The following SKI variants were observed in gnomAD, a reference collection of about 807,000 sequenced individuals.
SKI encodes the protein ski oncogene.
In SKI, 23 loss-of-function variants were observed where a neutral mutation model predicts 59.3. The ratio of observed to expected loss-of-function variants is 0.39; its 90% CI spans 0.28 to 0.55. The LOEUF (loss-of-function observed/expected upper bound fraction) is 0.55, where lower values mean the gene tolerates loss of function less well. Ranked by LOEUF, SKI falls within the 20% of genes least tolerant of loss-of-function variation. The probability of loss-of-function intolerance (pLI) is 0.67; values close to 1 mark genes in which losing one functional copy is unlikely to be tolerated. For synonymous variants in SKI, 673 were observed against 488.6 expected (o/e 1.38, Z -4.98); for missense variants, 1,017 against 1,038.9 (o/e 0.98, Z 0.29).
At chr1:2,231,663 TACTG>T (rs1638641223) in intron 1 of SKI, among the ~76,000 whole-genome samples, 1 of 152,226 alleles carries the variant, frequency 6.6e-6, no homozygotes, top group Non-Finnish European at 1.5e-5. Context: ...TCCCAGGCCA[TACTG>T]ACGACGTGCA....
chr1:2,238,561 G>C (rs565251764), intron 1 of SKI, among the ~76,000 whole-genome samples: 4 of 152,356 alleles, frequency 2.6e-5, no homozygotes, highest in Non-Finnish European at 4.4e-5. Context: ...CGGGGCCCCA[G>C]AGTGAGGGGA....
intron 1 of SKI, among the ~76,000 whole-genome samples, chr1:2,234,029 C>T (rs1003357578): frequency 6.6e-6 from 1 of 152,192 alleles, no homozygotes; most frequent in Non-Finnish European, 1.5e-5. Context: ...TCGTGGGGTT[C>T]CCTGTAGTCT....
chr1:2,266,435 C>A (rs1016371057), intron 1 of SKI, among the ~76,000 whole-genome samples: 1 of 152,164 alleles, frequency 6.6e-6, no homozygotes, highest in Non-Finnish European at 1.5e-5. Flanking sequence ...CCATCTCAAC[C>A]CAGTTTCTGC....
chr1:2,286,819 C>T (rs1042173708), intron 1 of SKI, among the ~76,000 whole-genome samples: 4 of 152,234 alleles, frequency 2.6e-5, no homozygotes, highest in South Asian at 2.1e-4. Flanking sequence ...CTCCACTGGA[C>T]GCTCTTTACA....
chr1:2,298,661 C>A (rs1229054928), intron 1 of SKI, among the ~76,000 whole-genome samples: 2 of 152,238 alleles, frequency 1.3e-5, no homozygotes, highest in Non-Finnish European at 2.9e-5. Context: ...GCCTGTCTGG[C>A]CTTGGGGTCT....
chr1:2,237,108 A>T (rs1025192020), intron 1 of SKI, among the ~76,000 whole-genome samples: 7 of 152,054 alleles, frequency 4.6e-5, no homozygotes, highest in Non-Finnish European at 7.4e-5. Flanking sequence ...TCCCGACCAG[A>T]CCTGACCCCT....
chr1:2,304,645 C>G (rs541221931), intron 5 of SKI, 60 bp downstream of exon 5: 1 of 1,495,456 alleles, frequency 6.7e-7, no homozygotes, highest in East Asian at 2.5e-5. Context: ...CAGCCTGCAC[C>G]AGGTGAACGG....
rs1284548756 is a variant in SKI at position 2,307,701 on chromosome 1, T to A, written c.*936T>A. The A allele has an allele frequency of 6.6e-6, 1 of 152,570 alleles. No homozygotes were observed. Among genetic ancestry groups the A allele is most frequent in the Admixed American group, 6.5e-5 (1 of 15,292 alleles). 9.5% of individuals were successfully genotyped at this position (152,570 alleles called of 1,614,324 possible). A position where few individuals can be genotyped will look rare whatever the true frequency, so the allele number is the denominator to read the frequency against. ...CATTATTTCAATTTTTCTTTCTTTT[T>A]TTTTGTTCGTTCATTTAAACGTATA... On this transcript the variant is annotated 3_prime_UTR_variant, in exon 7 of 7. Transcript: ENST00000378536.
chr1:2,270,680 A>G lies in SKI; in HGVS notation c.970-32298A>G, dbSNP rs1289683892. On this transcript the variant is annotated intron_variant, in intron 1 of 6. Transcript: ENST00000378536. This position sits in a 1 kb window ranked among gnomAD's most constrained non-coding sequence, Gnocchi z 4.1. The stretch of plus-strand genomic sequence containing the variant: ...AAAGTTCAGGCTGTCCCTGCTCTCC[A>G]GAGGGGCTGGAGGTGGGGCGGGAGC... Among the ~76,000 whole-genome samples the G allele has an allele frequency of 1.3e-5, 2 of 152,188 alleles. No individual in the cohort carries two copies. The highest frequency in any genetic ancestry group is 4.8e-5 in the African/African-American group (2 of 41,444).
intron 1 of SKI, among the ~76,000 whole-genome samples, chr1:2,233,586 A>T (rs1467752358): frequency 6.6e-6 from 1 of 151,880 alleles, no homozygotes; most frequent in Non-Finnish European, 1.5e-5. Flanking sequence ...AGGGTCCGCG[A>T]CGGGGGTTTT....
Position 2,303,849 on chromosome 1 carries a change from C to G in SKI, c.1221C>G (p.Ser407=), listed in dbSNP as rs757709276. ...CCGCCTGCCCCTCCAGCTTCTACTC[C>G]TACAAGAGCTTTGAGACAGCCGTGG... The part of the protein sequence containing the change: ...LPALIRDSFY[S]YKSFETAVAP... Residue 407 remains serine (S), a synonymous_variant, in exon 4 of 7, where the codon TCC becomes TCG. Coordinates refer to ENST00000378536, the MANE Select transcript of SKI (RefSeq NM_003036.4). The surrounding 1 kb of genome is among the most constrained non-coding windows in gnomAD (Gnocchi z 5.6). The G allele has an allele frequency of 6.2e-7, 1 of 1,612,530 alleles. No individual in the cohort carries two copies.
intron 1 of SKI, chr1:2,240,926 T>C (rs1040992847): frequency 2.3e-6 from 1 of 439,568 alleles, no homozygotes; most frequent in African/African-American, 2.1e-5. Flanking sequence ...GTTCAGCCCC[T>C]GAGATGCCCT....
At chr1:2,259,205 G>A (rs528691084) in intron 1 of SKI, among the ~76,000 whole-genome samples, 10 of 152,226 alleles carry the variant, frequency 6.6e-5, no homozygotes, top group Non-Finnish European at 1.5e-4. Flanking sequence ...CCTCGCCGGT[G>A]CTGTCTGTGG....
chr1:2,298,243 T>C (rs1208339674), intron 1 of SKI, among the ~76,000 whole-genome samples: 2 of 152,176 alleles, frequency 1.3e-5, no homozygotes, highest in African/African-American at 4.8e-5. Context: ...CGCTGGACAC[T>C]GGGGTCCCGG....
At chr1:2,258,716 G>A (rs761447949) in intron 1 of SKI, among the ~76,000 whole-genome samples, 17 of 152,020 alleles carry the variant, frequency 1.1e-4, no homozygotes, top group South Asian at 2.1e-4. Flanking sequence ...CACCATGCCC[G>A]GCTAATTTTT....
At chr1:2,263,529 G>A (rs543096835) in intron 1 of SKI, among the ~76,000 whole-genome samples, 1 of 151,856 alleles carries the variant, frequency 6.6e-6, no homozygotes, top group South Asian at 2.1e-4. Flanking sequence ...GAGCCACTGC[G>A]CCTGCCAAGA....
chr1:2,304,603 T>C lies in SKI; in HGVS notation c.1767+18T>C. On this transcript the variant is annotated intron_variant, in intron 5 of 6. Coordinates refer to ENST00000378536, the MANE Select transcript of SKI (RefSeq NM_003036.4). The stretch of plus-strand genomic sequence containing the variant: ...TCCACCAGGTGAGCGGGGCGAGTGG[T>C]GCTGGGAGGTCCAGGGCACGGGCAG... 6.5e-7 allele frequency: 1 copy of C among 1,537,160 alleles called. No homozygotes were observed. The highest frequency in any genetic ancestry group is 1.2e-5 in the South Asian group (1 of 82,706).
chr1:2,257,891 A>G (rs1273615758), intron 1 of SKI, among the ~76,000 whole-genome samples: 1 of 152,000 alleles, frequency 6.6e-6, no homozygotes, highest in East Asian at 1.9e-4. Flanking sequence ...GGCATGTGCC[A>G]CCATGCCTGG....
chr1:2,268,442 G>T lies in SKI; in HGVS notation c.970-34536G>T, dbSNP rs1374220689. ...CTGATGGAGGGCCTCTTGTTAAGGGGGCACGGTAGTGAGTCAGGTGCCCGG... is the reference window on the plus strand; with the variant it reads ...CTGATGGAGGGCCTCTTGTTAAGGGTGCACGGTAGTGAGTCAGGTGCCCGG... On this transcript the variant is annotated intron_variant, in intron 1 of 6. Transcript: ENST00000378536. This position sits in a 1 kb window ranked among gnomAD's most constrained non-coding sequence, Gnocchi z 5.0. Among the ~76,000 whole-genome samples the T allele has an allele frequency of 6.6e-6, 1 of 152,208 alleles. No homozygotes were observed. Among genetic ancestry groups the T allele is most frequent in the Non-Finnish European group, 1.5e-5 (1 of 68,030 alleles).
Sources: allele counts gnomAD v4.1 joint callset (sites outside exome capture counted in the v4.1 genomes callset), GRCh38; gene constraint gnomAD v4.1.1; non-coding constraint Gnocchi (gnomAD v3.1); transcripts MANE v1.5; gene names NCBI Gene and HGNC (gene_info 2026-07-23, HGNC 2026-07-21).